Variants in SIAE observed in about 807,000 individuals in gnomAD.
SIAE encodes sialic acid acetylesterase.
SIAE carries 39 observed loss-of-function variants against 52.6 expected under a neutral mutation model. The ratio of observed to expected loss-of-function variants is 0.74; its 90% CI spans 0.57 to 0.97. The LOEUF (loss-of-function observed/expected upper bound fraction) is 0.97. Ranked by LOEUF, SIAE falls within the 50% of genes least tolerant of loss-of-function variation. The probability of loss-of-function intolerance (pLI) is 0.00; values close to 1 mark genes in which losing one functional copy is unlikely to be tolerated. For missense variants in SIAE, 592 were observed against 662.1 expected (o/e 0.89, Z 1.16); for synonymous variants, 233 against 241.4 (o/e 0.97, Z 0.32).
intron 4 of SIAE, among the ~76,000 whole-genome samples, chr11:124,652,414 G>A (rs988741025): frequency 2.0e-5 from 3 of 152,086 alleles, no homozygotes; most frequent in Admixed American, 6.6e-5. Flanking sequence ...GAGACCGGGC[G>A]CGGTGGCTCA....
chr11:124,638,290 A>G (rs1039255709), intron 9 of SIAE, among the ~76,000 whole-genome samples: 45 of 152,366 alleles, frequency 3.0e-4, no homozygotes, highest in Middle Eastern at 3.4e-3. Flanking sequence ...GAGAAAATGT[A>G]AAAGGAAATT....
intron 5 of SIAE, among the ~76,000 whole-genome samples, chr11:124,649,368 T>C (rs1178581599): frequency 1.3e-5 from 2 of 151,784 alleles, no homozygotes; most frequent in Admixed American, 6.6e-5. Flanking sequence ...GTCTGGCATA[T>C]AAAAAGCTTT....
Position 124,645,267 on chromosome 11 carries a change from C to G in SIAE, c.966+2098G>C, listed in dbSNP as rs2134360828. On this transcript the variant is annotated intron_variant, in intron 7 of 9. Transcript: ENST00000263593. The surrounding 1 kb of genome is among the most constrained non-coding windows in gnomAD (Gnocchi z 4.7). ...AAACCTGGAGGTTAAGGGACTTTCACTAAACTGTAAGGCATAAGTACAAGA... is the reference window on the plus strand; with the variant it reads ...AAACCTGGAGGTTAAGGGACTTTCAGTAAACTGTAAGGCATAAGTACAAGA... Among the ~76,000 whole-genome samples the G allele has an allele frequency of 6.6e-6, 1 of 151,466 alleles. No homozygotes were observed. The highest frequency in any genetic ancestry group is 1.9e-4 in the East Asian group (1 of 5,170).
chr11:124,643,468 G>A (rs1942881583), intron 7 of SIAE, among the ~76,000 whole-genome samples: 1 of 152,164 alleles, frequency 6.6e-6, no homozygotes, highest in Admixed American at 6.5e-5. Flanking sequence ...GACCAGTTAG[G>A]AGGCAATAAT....
chr11:124,645,702 T>C lies in SIAE; in HGVS notation c.966+1663A>G, dbSNP rs1261977043. On this transcript the variant is annotated intron_variant, in intron 7 of 9. Coordinates refer to ENST00000263593, the MANE Select transcript of SIAE (RefSeq NM_170601.5). This position sits in a 1 kb window ranked among gnomAD's most constrained non-coding sequence, Gnocchi z 4.7. Reference sequence around the variant, plus strand: ...GGCTAAAGTCATACTCAAATCACCATGTGCACAGGCCAAGGGAGAAAAAAG... The same window carrying C: ...GGCTAAAGTCATACTCAAATCACCACGTGCACAGGCCAAGGGAGAAAAAAG... Among the ~76,000 whole-genome samples the C allele has an allele frequency of 6.6e-6, 1 of 152,164 alleles. No individual in the cohort carries two copies. Among genetic ancestry groups the C allele is most frequent in the East Asian group, 1.9e-4 (1 of 5,200 alleles).
intron 2 of SIAE, among the ~76,000 whole-genome samples, chr11:124,665,081 A>G (rs78807287): frequency 0.04 from 6,040 of 152,294 alleles, 363 homozygotes; most frequent in African/African-American, 0.14. Context: ...CTTTTGTATC[A>G]ATAAAACTGC....
Position 124,635,027 on chromosome 11 carries a change from A to G in SIAE, c.*1924T>C, listed in dbSNP as rs1481276785. 1 of 152,232 alleles carries G rather than the reference A, an allele frequency of 6.6e-6. No individual in the cohort carries two copies. The highest frequency in any genetic ancestry group is 1.5e-5 in the Non-Finnish European group (1 of 68,040). The allele number at this position is 152,232 out of a possible 1,614,324, so 9.4% of individuals were successfully genotyped here. A position where few individuals can be genotyped will look rare whatever the true frequency, so the allele number is the denominator to read the frequency against. ...ACTCAGCCACTAAAAATGAATGTGC[A>G]TGGCGTCATTAACATAATCATTGCC... On this transcript the variant is annotated 3_prime_UTR_variant, in exon 10 of 10. Transcript: ENST00000263593.
At chr11:124,656,308 A>G (rs910173849) in intron 3 of SIAE, among the ~76,000 whole-genome samples, 1 of 152,232 alleles carries the variant, frequency 6.6e-6, no homozygotes, top group East Asian at 1.9e-4. Context: ...GAATCTGCAC[A>G]TGTGGAACTG....
intron 4 of SIAE, 112 bp from the exon 5 acceptor site, chr11:124,649,908 G>T: frequency 1.0e-6 from 1 of 989,676 alleles, no homozygotes; most frequent in Non-Finnish European, 1.6e-6. Flanking sequence ...TTCTTCTGTT[G>T]TTTTCTAAGA....
chr11:124,652,235 G>A (rs1335055386), intron 4 of SIAE, among the ~76,000 whole-genome samples: 1 of 152,150 alleles, frequency 6.6e-6, no homozygotes, highest in Non-Finnish European at 1.5e-5. Context: ...GGAACCTGTG[G>A]CTGTGTTACC....
At position 124,638,542 on chromosome 11, in the gene SIAE, C is replaced by T; in HGVS notation, c.1320G>A (p.Glu440=). Residue 440 remains glutamate (E), a splice_region_variant and synonymous_variant, in exon 9 of 10, where the codon GAG becomes GAA. Transcript: ENST00000263593. ...QVQKKDNKIF[E]ISCCSDHRCK... is the part of the protein sequence containing the mutation. ...CTGTTTATTCTGCTGTTCTTCTCAC[C>T]TCAAATATCTTGTTGTCCTTTTTCT... 2 of 1,614,142 alleles carry T rather than the reference C, an allele frequency of 1.2e-6. No homozygotes were observed. The highest frequency in any genetic ancestry group is 1.1e-5 in the South Asian group (1 of 91,076).
Position 124,647,491 on chromosome 11 carries a change from G to A in SIAE, c.840C>T (p.Ser280=). 1.2e-6 allele frequency: 2 copies of A among 1,614,066 alleles called. No homozygotes were observed. The highest frequency in any genetic ancestry group is 1.7e-6 in the Non-Finnish European group (2 of 1,180,024). Residue 280 remains serine, a synonymous_variant, in exon 7 of 10, where the codon TCC becomes TCT. Coordinates refer to ENST00000263593, the MANE Select transcript of SIAE (RefSeq NM_170601.5). ...LKGVVWYQGE[S]NINYNTDLYN... Reference sequence around the variant, plus strand: ...ACAGATCCGTGTTATAATTTATATTGGACTCCCCTAAAAACAGTCCAAATT... The same window carrying A: ...ACAGATCCGTGTTATAATTTATATTAGACTCCCCTAAAAACAGTCCAAATT...
rs746102805 is a variant in SIAE at position 124,670,111 on chromosome 11, T to C, written c.68-590A>G. ...CAACCCAGTGTACTGCATCAAAAAT[T>C]CTAAATAAGCCCTTATAAATACTCA... On this transcript the variant is annotated intron_variant, in intron 1 of 9. Coordinates refer to ENST00000263593, the MANE Select transcript of SIAE (RefSeq NM_170601.5). This position sits in a 1 kb window ranked among gnomAD's most constrained non-coding sequence, Gnocchi z 4.5. Among the ~76,000 whole-genome samples, 1 of 152,180 alleles carries C rather than the reference T, an allele frequency of 6.6e-6. No individual in the cohort carries two copies. The highest frequency in any genetic ancestry group is 1.5e-5 in the Non-Finnish European group (1 of 68,040).
chr11:124,663,078 A>T, intron 2 of SIAE, among the ~76,000 whole-genome samples: 1 of 152,068 alleles, frequency 6.6e-6, no homozygotes, highest in Admixed American at 6.6e-5. Flanking sequence ...CAGGAGGTGG[A>T]GGTTGCAGTG....
At position 124,670,742 on chromosome 11, in the gene SIAE, A is replaced by C. The variant is rs1565419539; in HGVS notation, c.68-1221T>G. 6.6e-6 allele frequency among the ~76,000 whole-genome samples: 1 copy of C among 152,176 alleles called. No individual in the cohort carries two copies. ...TGGAATAACAGCCCAGTCCCTAAAA[A>C]TCCTCAGCGCTCTCTTATGAGCTAG... is the stretch of plus-strand genomic sequence containing the variant. On this transcript the variant is annotated intron_variant, in intron 1 of 9. Coordinates refer to ENST00000263593, the MANE Select transcript of SIAE (RefSeq NM_170601.5). The surrounding 1 kb of genome is among the most constrained non-coding windows in gnomAD (Gnocchi z 4.5).
chr11:124,641,710 G>A (rs1942849188), intron 7 of SIAE, among the ~76,000 whole-genome samples: 2 of 152,150 alleles, frequency 1.3e-5, no homozygotes, highest in African/African-American at 4.8e-5. Flanking sequence ...TATAATCCCA[G>A]CATTTTGGGA....
rs777881887 is a variant in SIAE, at chr11:124,639,721, C to T, written c.1113G>A (p.Ser371=). Residue 371 remains serine (S), a synonymous_variant, in exon 8 of 10, where the codon TCG becomes TCA. Transcript: ENST00000263593. The part of the protein sequence containing the change: ...AVAMDLCDRD[S]PFGSIHPRDK... Reference sequence around the variant, plus strand: ...AGAAGCAATCATACCTGCCAAAAGGCGAGTCTCTATCACAGAGATCCATAG... The same window carrying T: ...AGAAGCAATCATACCTGCCAAAAGGTGAGTCTCTATCACAGAGATCCATAG... The T allele has an allele frequency of 9.3e-6, 15 of 1,613,936 alleles. No individual in the cohort carries two copies. The highest frequency in any genetic ancestry group is 1.7e-5 in the Admixed American group (1 of 60,002).
rs757409571 is a variant in SIAE at position 124,637,035 on chromosome 11, G to A, written c.1488C>T (p.His496=). ...PCEYKQCPLY[H]PSSALPAPPF... is the part of the protein sequence containing the mutation. ...GAGGGGCTGGCAGGGCACTACTGGG[G>A]TGGTATAGGGGACACTGCTTATATT... The change falls in exon 10 of 10, where the codon CAC becomes CAT. Residue 496 remains histidine, a synonymous_variant. Transcript: ENST00000263593. The A allele has an allele frequency of 6.2e-7, 1 of 1,614,204 alleles. No homozygotes were observed. The highest frequency in any genetic ancestry group is 8.5e-7 in the Non-Finnish European group (1 of 1,180,046).
chr11:124,661,112 T>C (rs911018457), intron 2 of SIAE, among the ~76,000 whole-genome samples: 3 of 152,174 alleles, frequency 2.0e-5, no homozygotes, highest in Admixed American at 1.3e-4. Flanking sequence ...ATAGAAAACA[T>C]AAAAGAGAAA....
Sources: allele counts gnomAD v4.1 joint callset (sites outside exome capture counted in the v4.1 genomes callset), GRCh38; gene constraint gnomAD v4.1.1; non-coding constraint Gnocchi (gnomAD v3.1); transcripts MANE v1.5; gene names NCBI Gene and HGNC (gene_info 2026-07-23, HGNC 2026-07-21).